MPZL3: variants seen among roughly 807,000 people sequenced by gnomAD.
MPZL3 encodes myelin protein zero-like protein 3.
Under a neutral mutation model 24.8 loss-of-function variants are expected in MPZL3, and 23 were observed. The observed-to-expected ratio is 0.93, with a 90% CI of 0.67 to 1.31. MPZL3 has a LOEUF of 1.31. Among genes scored for constraint, MPZL3 ranks in the 40% most tolerant of loss-of-function variants. MPZL3 has a pLI of 0.00. For missense variants in MPZL3, 277 were observed against 294.9 expected (o/e 0.94, Z 0.44); for synonymous variants, 99 against 106.5 (o/e 0.93, Z 0.44).
At chr11:118,250,614 CTT>C (rs772770891) in intron 1 of MPZL3, among the ~76,000 whole-genome samples, 1 of 151,950 alleles carries the variant, frequency 6.6e-6, no homozygotes, top group Admixed American at 6.6e-5. Context: ...GAGTTTCTCT[CTT>C]GTCGCCCAGG....
In MPZL3 at chr11:118,227,461, G is replaced by A. The variant is rs922712712; in HGVS notation, c.*2433C>T. ...GGCAGGTGTCTGTACACTGCTTTGT[G>A]ATCCTTCGAAGAATAAAAAGCTGTA... On this transcript the variant is annotated 3_prime_UTR_variant, in exon 6 of 6. Coordinates refer to ENST00000278949, the MANE Select transcript of MPZL3 (RefSeq NM_198275.3). 6 of 152,302 alleles carry A rather than the reference G, an allele frequency of 3.9e-5. No homozygotes were observed. Among genetic ancestry groups the A allele is most frequent in the African/African-American group, 1.4e-4 (6 of 41,566 alleles). The allele number at this position is 152,302 out of a possible 1,614,324, so 9.4% of individuals were successfully genotyped here.
At chr11:118,236,361 G>GAGAAGGA (rs1408593876) in intron 3 of MPZL3, among the ~76,000 whole-genome samples, 20 of 152,184 alleles carry the variant, frequency 1.3e-4, no homozygotes, top group African/African-American at 3.9e-4. Context: ...AAGGGAAGAT[G>GAGAAGGA]AGAAGGAAGA....
At chr11:118,237,382 T>A (rs750040080) in intron 2 of MPZL3, 122 bp from the exon 3 acceptor site, 113 of 782,890 alleles carry the variant, frequency 1.4e-4, no homozygotes, top group Non-Finnish European at 2.0e-4. Context: ...GTTGGGCAAC[T>A]TTTTATGCTT....
intron 1 of MPZL3, among the ~76,000 whole-genome samples, chr11:118,241,041 T>C (rs1762754727): frequency 6.6e-6 from 1 of 152,152 alleles, no homozygotes; most frequent in Non-Finnish European, 1.5e-5. Flanking sequence ...AAATGCATTC[T>C]AGCAAGTAAA....
chr11:118,234,577 A>G (rs961465944), intron 4 of MPZL3, among the ~76,000 whole-genome samples: 1 of 152,208 alleles, frequency 6.6e-6, no homozygotes, highest in African/African-American at 2.4e-5. Flanking sequence ...GATGTCAGGG[A>G]ACAATGTGAC....
At chr11:118,236,996 G>A in intron 3 of MPZL3, 54 bp downstream of exon 3, 1 of 1,495,364 alleles carries the variant, frequency 6.7e-7, no homozygotes, top group Non-Finnish European at 9.3e-7. Flanking sequence ...TCTCCAGAAA[G>A]CACCACAGCA....
At chr11:118,229,954 A>AGG in intron 5 of MPZL3, 34 bp from the exon 6 acceptor site, 1 of 1,605,648 alleles carries the variant, frequency 6.2e-7, no homozygotes, top group South Asian at 1.1e-5. Flanking sequence ...GTGAAACACA[A>AGG]TTCCAGAGTT....
chr11:118,233,194 C>CTG (rs1949374988), intron 5 of MPZL3, among the ~76,000 whole-genome samples: 1 of 152,116 alleles, frequency 6.6e-6, no homozygotes, highest in Non-Finnish European at 1.5e-5. Context: ...TTGGGATTTT[C>CTG]TGTCAGTCAG....
At chr11:118,250,493 C>T (rs1351576374) in intron 1 of MPZL3, among the ~76,000 whole-genome samples, 2 of 152,202 alleles carry the variant, frequency 1.3e-5, no homozygotes, top group Admixed American at 1.3e-4. Flanking sequence ...TGTGAATATA[C>T]TAAAAACCAT....
chr11:118,239,722 A>G (rs1949469629), intron 2 of MPZL3, among the ~76,000 whole-genome samples: 1 of 152,226 alleles, frequency 6.6e-6, no homozygotes, highest in African/African-American at 2.4e-5. Context: ...ATATAAATCA[A>G]TGCAGATGTT....
At chr11:118,244,533 A>G (rs1248569244) in intron 1 of MPZL3, among the ~76,000 whole-genome samples, 2 of 152,204 alleles carry the variant, frequency 1.3e-5, no homozygotes, top group African/African-American at 4.8e-5. Flanking sequence ...CAGAAGACAC[A>G]GCACATGCAA....
chr11:118,247,936 G>A (rs1007684160), intron 1 of MPZL3, among the ~76,000 whole-genome samples: 2 of 151,864 alleles, frequency 1.3e-5, no homozygotes, highest in Non-Finnish European at 2.9e-5. Flanking sequence ...TTCCCTCTTA[G>A]TATCAGACTC....
At chr11:118,237,356 G>T in intron 2 of MPZL3, 96 bp from the exon 3 acceptor site, 2 of 1,136,942 alleles carry the variant, frequency 1.8e-6, no homozygotes, top group Non-Finnish European at 2.6e-6. Context: ...ACTGTATAAT[G>T]GTGTGTTTTT....
intron 1 of MPZL3, among the ~76,000 whole-genome samples, chr11:118,247,281 T>G (rs1434750314): frequency 1.3e-5 from 2 of 152,268 alleles, no homozygotes; most frequent in African/African-American, 2.4e-5. Flanking sequence ...AAACAGCAAC[T>G]GACTTTACTG....
chr11:118,237,577 A>G (rs1949443042), intron 2 of MPZL3, among the ~76,000 whole-genome samples: 1 of 152,126 alleles, frequency 6.6e-6, no homozygotes. Flanking sequence ...TTTGATTGTC[A>G]CAACTGGGGA....
intron 1 of MPZL3, among the ~76,000 whole-genome samples, chr11:118,249,241 AT>A (rs1949592146): frequency 6.6e-6 from 1 of 152,198 alleles, no homozygotes; most frequent in Non-Finnish European, 1.5e-5. Flanking sequence ...TGCAAGGAAC[AT>A]TTTATATATC....
At chr11:118,250,360 T>TA (rs1292404077) in intron 1 of MPZL3, among the ~76,000 whole-genome samples, 1 of 151,898 alleles carries the variant, frequency 6.6e-6, no homozygotes, top group Non-Finnish European at 1.5e-5. Context: ...TACAAAAAAA[T>TA]AGACTGGTGG....
chr11:118,234,348 T>C (rs1022978115), intron 4 of MPZL3, among the ~76,000 whole-genome samples: 4 of 152,040 alleles, frequency 2.6e-5, no homozygotes, highest in African/African-American at 7.2e-5. Flanking sequence ...TGACTAATTG[T>C]CCCCTGAGGT....
intron 1 of MPZL3, among the ~76,000 whole-genome samples, chr11:118,247,301 G>A (rs554450516): frequency 6.6e-6 from 1 of 152,200 alleles, no homozygotes; most frequent in Non-Finnish European, 1.5e-5. Context: ...GCCAGCTGAG[G>A]CTGACTCAGA....
Sources: gnomAD v4.1 joint callset for allele counts (sites outside exome capture counted in the v4.1 genomes callset) on GRCh38, gnomAD v4.1.1 for gene constraint, MANE v1.5 for transcripts, NCBI Gene and HGNC (gene_info 2026-07-23, HGNC 2026-07-21) for gene names.